The following NELL1 variants were observed in gnomAD, a reference collection of about 807,000 sequenced individuals.
NELL1 encodes the protein neural EGFL like 1.
Under a neutral mutation model 107.4 loss-of-function variants are expected in NELL1, and 76 were observed. That is an observed-to-expected ratio of 0.71 (90% CI 0.59 to 0.86). NELL1 has a LOEUF of 0.86. NELL1 is among the 40% of genes least tolerant of loss of function. The probability of loss-of-function intolerance (pLI) is 0.00; values close to 1 mark genes in which losing one functional copy is unlikely to be tolerated. For synonymous variants in NELL1, 353 were observed against 341.2 expected, an observed-to-expected ratio of 1.03 and a Z score of -0.38; for missense variants, 1,024 against 1,005.5, an observed-to-expected ratio of 1.02 and a Z score of -0.25.
intron 1 of NELL1, among the ~76,000 whole-genome samples, chr11:20,675,711 G>A (rs1271052759): frequency 6.6e-6 from 1 of 152,016 alleles, no homozygotes; most frequent in Non-Finnish European, 1.5e-5. Context: ...CTCCTTTTGG[G>A]TCACAGGGCT....
chr11:21,136,446 C>T (rs7945288), intron 13 of NELL1, among the ~76,000 whole-genome samples: 1,816 of 152,262 alleles, frequency 0.012, 34 homozygotes, highest in African/African-American at 0.035. Context: ...CTATTGGTGA[C>T]ATCAGTAGTT....
intron 14 of NELL1, among the ~76,000 whole-genome samples, chr11:21,356,317 C>A (rs10766788): frequency 0.25 from 38,596 of 152,014 alleles, 4,940 homozygotes; most frequent in Middle Eastern, 0.29. Flanking sequence ...TATTGAATGA[C>A]TGAATGAAGG....
At chr11:21,059,990 A>G (rs1306497882) in intron 12 of NELL1, among the ~76,000 whole-genome samples, 1 of 152,202 alleles carries the variant, frequency 6.6e-6, no homozygotes, top group Non-Finnish European at 1.5e-5. Flanking sequence ...TTTTCTCAAG[A>G]GCCCATCTGC....
At chr11:20,726,313 ACATAAT>A (rs1855507345) in intron 2 of NELL1, among the ~76,000 whole-genome samples, 1 of 152,138 alleles carries the variant, frequency 6.6e-6, no homozygotes, top group Admixed American at 6.5e-5. Flanking sequence ...TTTTATTGAG[ACATAAT>A]CATAAAGAAA....
intron 12 of NELL1, among the ~76,000 whole-genome samples, chr11:21,032,773 C>T (rs1169372476): frequency 1.3e-5 from 2 of 152,194 alleles, no homozygotes; most frequent in East Asian, 3.9e-4. Flanking sequence ...TTGTTACTAC[C>T]GAAATCAATT....
At chr11:21,139,173 T>A (rs901044621) in intron 13 of NELL1, among the ~76,000 whole-genome samples, 1 of 152,206 alleles carries the variant, frequency 6.6e-6, no homozygotes, top group African/African-American at 2.4e-5. Context: ...AGGACCTTCT[T>A]TGGAAAGTAA....
At chr11:21,454,211 G>C (rs958959998) in intron 15 of NELL1, among the ~76,000 whole-genome samples, 2 of 148,476 alleles carry the variant, frequency 1.3e-5, no homozygotes, top group African/African-American at 5.0e-5. Context: ...AGTTTACTGA[G>C]AATGATGATT....
At chr11:20,700,499 A>T (rs34890234) in intron 2 of NELL1, among the ~76,000 whole-genome samples, 29,916 of 150,886 alleles carry the variant, frequency 0.2, 4,171 homozygotes, top group African/African-American at 0.39. Flanking sequence ...AAGAAAAAAA[A>T]ATATATATAT....
chr11:21,226,193 G>C (rs1857889070), intron 13 of NELL1, among the ~76,000 whole-genome samples: 1 of 152,186 alleles, frequency 6.6e-6, no homozygotes, highest in Non-Finnish European at 1.5e-5. Context: ...CATGACTAAA[G>C]AAAATGAAAT....
At chr11:21,326,576 C>T (rs555435383) in intron 14 of NELL1, among the ~76,000 whole-genome samples, 19 of 151,926 alleles carry the variant, frequency 1.3e-4, no homozygotes, top group East Asian at 7.8e-4. Flanking sequence ...CCATCCCTAG[C>T]GATCTTTATT....
chr11:21,253,715 A>G (rs1470316690), intron 14 of NELL1, among the ~76,000 whole-genome samples: 1 of 152,132 alleles, frequency 6.6e-6, no homozygotes, highest in Non-Finnish European at 1.5e-5. Context: ...TGATCATTCT[A>G]TAATTCACTC....
At chr11:20,860,838 T>A (rs1590356428) in intron 4 of NELL1, among the ~76,000 whole-genome samples, 1 of 152,166 alleles carries the variant, frequency 6.6e-6, no homozygotes, top group African/African-American at 2.4e-5. Flanking sequence ...GAGAAGGTGA[T>A]TTACAGATAG....
intron 2 of NELL1, among the ~76,000 whole-genome samples, chr11:20,690,444 T>C (rs1854432642): frequency 6.6e-6 from 1 of 152,142 alleles, no homozygotes; most frequent in Non-Finnish European, 1.5e-5. Flanking sequence ...TAATCCATCT[T>C]GAATTAATTT....
intron 12 of NELL1, among the ~76,000 whole-genome samples, chr11:20,989,904 G>A (rs1177223338): frequency 6.6e-6 from 1 of 151,204 alleles, no homozygotes; most frequent in Admixed American, 6.6e-5. Flanking sequence ...GGCTGAGGCA[G>A]AAGAATGGCA....
At chr11:20,842,011 T>C (rs1299066854) in intron 3 of NELL1, among the ~76,000 whole-genome samples, 1 of 152,182 alleles carries the variant, frequency 6.6e-6, no homozygotes, top group Non-Finnish European at 1.5e-5. Context: ...GGGCACGGTA[T>C]ACCTGCCTTG....
chr11:20,680,497 T>C (rs1007065441), intron 2 of NELL1, among the ~76,000 whole-genome samples: 1 of 152,070 alleles, frequency 6.6e-6, no homozygotes, highest in Non-Finnish European at 1.5e-5. Context: ...TTTATTGTGG[T>C]CTTATGAAAC....
intron 5 of NELL1, among the ~76,000 whole-genome samples, chr11:20,908,349 T>C (rs1384957803): frequency 2.0e-5 from 3 of 152,174 alleles, no homozygotes; most frequent in Admixed American, 2.0e-4. Context: ...ATGTGGTACA[T>C]ATACACCAGG....
At chr11:21,201,666 G>A (rs1041503244) in intron 13 of NELL1, among the ~76,000 whole-genome samples, 7 of 152,002 alleles carry the variant, frequency 4.6e-5, no homozygotes, top group African/African-American at 7.3e-5. Context: ...ATACTATGTC[G>A]AATAGGAGTG....
chr11:20,883,953 A>G (rs912105843), intron 4 of NELL1, among the ~76,000 whole-genome samples: 2 of 152,226 alleles, frequency 1.3e-5, no homozygotes, highest in Non-Finnish European at 2.9e-5. Flanking sequence ...TCATTCTAAG[A>G]TACAAAAAAG....
Sources: gnomAD v4.1 joint callset for allele counts (sites outside exome capture counted in the v4.1 genomes callset) on GRCh38, gnomAD v4.1.1 for gene constraint, MANE v1.5 for transcripts, NCBI Gene and HGNC (gene_info 2026-07-23, HGNC 2026-07-21) for gene names.